The following SEC31B variants were observed in gnomAD, a reference collection of about 807,000 sequenced individuals.
SEC31B encodes the protein SEC31 homolog B, COPII component, also known as protein transport protein Sec31B.
In SEC31B, 113 loss-of-function variants were observed where a neutral mutation model predicts 135.0. That is an observed-to-expected ratio of 0.84 (90% CI 0.72 to 0.98). The LOEUF (loss-of-function observed/expected upper bound fraction) is 0.98. SEC31B is among the 50% of genes least tolerant of loss of function. The pLI, the probability that SEC31B is intolerant of heterozygous loss-of-function variation, is 0.00. For synonymous variants in SEC31B, 508 were observed against 549.4 expected (o/e 0.92, Z 1.05); for missense variants, 1,296 against 1,421.1 (o/e 0.91, Z 1.42).
intron 5 of SEC31B, chr10:100,508,786 G>A (rs558651958): frequency 3.5e-6 from 2 of 575,984 alleles, no homozygotes; most frequent in South Asian, 2.1e-5. Context: ...GAAACTCTTA[G>A]AACGAGTAAT....
At chr10:100,511,478 AG>A (rs1462281517) in intron 3 of SEC31B, among the ~76,000 whole-genome samples, 1 of 152,202 alleles carries the variant, frequency 6.6e-6, no homozygotes, top group Non-Finnish European at 1.5e-5. Context: ...AAAAACAAAA[AG>A]GGTGGTCTAG....
chr10:100,514,166 CAG>C (rs1851784687), intron 3 of SEC31B, among the ~76,000 whole-genome samples: 1 of 152,046 alleles, frequency 6.6e-6, no homozygotes, highest in Non-Finnish European at 1.5e-5. Context: ...GCCTGGGTGA[CAG>C]AGTGAGATTC....
chr10:100,499,234 C>G lies in SEC31B; in HGVS notation c.1510G>C (p.Val504Leu). The change falls in exon 13 of 26, where the codon GTG becomes CTG. Residue 504 changes from valine (V) to leucine (L), a missense_variant. By Grantham distance (32) the Val-to-Leu change is conservative. Transcript: ENST00000370345. Reference protein sequence around the residue: ...KKVATWLKSDVGLGESPQPKG... With the variant: ...KKVATWLKSDLGLGESPQPKG... ...GGCTGAGGACTCTCACCTAGCCCCA[C>G]GTCACTCTTCAACCATGTGGCCACC... is the stretch of plus-strand genomic sequence containing the variant. 6.2e-7 allele frequency: 1 copy of G among 1,613,246 alleles called. No individual in the cohort carries two copies. Among genetic ancestry groups the G allele is most frequent in the Non-Finnish European group, 8.5e-7 (1 of 1,179,638 alleles).
chr10:100,505,299 AACACACACACACACACACACAC>A, intron 10 of SEC31B, 40 bp downstream of exon 10: 1 of 1,486,882 alleles, frequency 6.7e-7, no homozygotes, highest in South Asian at 1.3e-5. Flanking sequence ...AGGCTTCACA[AACACACACACACACACACACAC>A]ACACAAACAC....
chr10:100,501,789 CT>C (rs1211512585), intron 11 of SEC31B: 1 of 170,802 alleles, frequency 5.9e-6, no homozygotes, highest in Non-Finnish European at 1.3e-5. Flanking sequence ...CACCTGAACC[CT>C]AGGACCCACT....
chr10:100,493,330 G>A (rs1190017213), intron 19 of SEC31B, among the ~76,000 whole-genome samples: 32 of 150,564 alleles, frequency 2.1e-4, no homozygotes, highest in African/African-American at 6.9e-4. Flanking sequence ...CCAAGATCGC[G>A]CCACTGCACT....
At chr10:100,498,278 C>T (rs1589733993) in intron 14 of SEC31B, 71 bp from the exon 15 acceptor site, 1 of 1,418,072 alleles carries the variant, frequency 7.1e-7, no homozygotes, top group Admixed American at 1.7e-5. Context: ...GCAGGGCCCA[C>T]AGCACACCCT....
At position 100,488,916 on chromosome 10, in the gene SEC31B, G is replaced by C. The variant is rs1383150571; in HGVS notation, c.3230C>G (p.Ser1077Cys). The C allele has an allele frequency of 6.2e-7, 1 of 1,611,758 alleles. No individual in the cohort carries two copies. The highest frequency in any genetic ancestry group is 1.3e-5 in the African/African-American group (1 of 74,782). The stretch of plus-strand genomic sequence containing the variant: ...AAGCGCCTCAAAGCTGCTCTTCAAG[G>C]ACTGATGCTCTGGGGGCAGCTCCTT... ...ERKELPPEHQ[S>C]LKSSFEALLQ... The change falls in exon 24 of 26, where the codon TCC becomes TGC. Residue 1077 changes from serine (S) to cysteine (C), a missense_variant. Coordinates refer to ENST00000370345, the MANE Select transcript of SEC31B (RefSeq NM_015490.4).
chr10:100,509,582 G>T, intron 3 of SEC31B, 71 bp from the exon 4 acceptor site: 1 of 1,273,094 alleles, frequency 7.9e-7, no homozygotes, highest in Non-Finnish European at 1.1e-6. Flanking sequence ...GGGCATCTCT[G>T]TCAGCTTCTG....
intron 10 of SEC31B, 141 bp from the exon 11 acceptor site, chr10:100,502,625 A>G: frequency 3.2e-6 from 2 of 624,660 alleles, no homozygotes; most frequent in Non-Finnish European, 5.5e-6. Context: ...GGGGGGTGGA[A>G]TAGGATCAGG....
At chr10:100,495,047 C>T (rs1237752517) in intron 19 of SEC31B, 4 of 317,698 alleles carry the variant, frequency 1.3e-5, no homozygotes, top group South Asian at 5.5e-5. Context: ...AGGATGGTCT[C>T]GAACTCCAAA....
Position 100,487,787 on chromosome 10 carries a change from A to T in SEC31B, c.3369T>A (p.Pro1123=). The change falls in exon 26 of 26, where the codon CCT becomes CCA. Residue 1123 remains proline (P), a synonymous_variant. Coordinates refer to ENST00000370345, the MANE Select transcript of SEC31B (RefSeq NM_015490.4). ...YEKLCEGTLS[P]HVVAGLHEVA... ...CCTCATGGAGCCCAGCCACGACATGAGGTGAGAGCTGTGGAGGGAATGACC... is the reference window on the plus strand; with the variant it reads ...CCTCATGGAGCCCAGCCACGACATGTGGTGAGAGCTGTGGAGGGAATGACC... 1 of 1,613,966 alleles carries T rather than the reference A, an allele frequency of 6.2e-7. No individual in the cohort carries two copies. Among genetic ancestry groups the T allele is most frequent in the South Asian group, 1.1e-5 (1 of 91,030 alleles).
intron 3 of SEC31B, among the ~76,000 whole-genome samples, chr10:100,513,741 A>AT (rs1043766022): frequency 6.6e-6 from 1 of 151,902 alleles, no homozygotes; most frequent in African/African-American, 2.4e-5. Context: ...AAGTGCTGGG[A>AT]TTACAAGCAT....
chr10:100,488,365 G>T lies in SEC31B; in HGVS notation c.3289-267C>A, dbSNP rs543836379. Among the ~76,000 whole-genome samples, 17 of 151,610 alleles carry T rather than the reference G, an allele frequency of 1.1e-4. No homozygotes were observed. In the South Asian group the frequency reaches 3.3e-3, roughly 30 times the overall value. On this transcript the variant is annotated intron_variant, in intron 24 of 25. Coordinates refer to ENST00000370345, the MANE Select transcript of SEC31B (RefSeq NM_015490.4). ...TCCCAGCTACTCGGGAGGCTGAGGC[G>T]GGAGAATGGCTTGAACCCGGGAGGC...
chr10:100,508,220 C>G (rs1347466027), intron 5 of SEC31B, among the ~76,000 whole-genome samples, 169 bp from the exon 6 acceptor site: 1 of 152,148 alleles, frequency 6.6e-6, no homozygotes, highest in East Asian at 1.9e-4. Context: ...AGGGAGGATC[C>G]TTTAGGGTAT....
intron 11 of SEC31B, among the ~76,000 whole-genome samples, chr10:100,502,038 C>T (rs2133685523): frequency 6.6e-6 from 1 of 152,376 alleles, no homozygotes; most frequent in East Asian, 1.9e-4. Flanking sequence ...TATTCCCCAT[C>T]TTTCCTAGCC....
chr10:100,497,884 G>T, intron 15 of SEC31B, 91 bp from the exon 16 acceptor site: 1 of 1,602,736 alleles, frequency 6.2e-7, no homozygotes, highest in East Asian at 2.2e-5. Context: ...AGAGCACTGA[G>T]TAGGGGCAAG....
chr10:100,515,886 C>G (rs1851829117), intron 3 of SEC31B, among the ~76,000 whole-genome samples: 1 of 151,666 alleles, frequency 6.6e-6, no homozygotes, highest in Admixed American at 6.6e-5. Flanking sequence ...TGCATTCAGC[C>G]TGACACTGCT....
At chr10:100,508,786 G>C (rs558651958) in intron 5 of SEC31B, 1 of 576,102 alleles carries the variant, frequency 1.7e-6, no homozygotes. Context: ...GAAACTCTTA[G>C]AACGAGTAAT....
Sources: gnomAD v4.1 joint callset for allele counts (sites outside exome capture counted in the v4.1 genomes callset) on GRCh38, gnomAD v4.1.1 for gene constraint, MANE v1.5 for transcripts, NCBI Gene and HGNC (gene_info 2026-07-23, HGNC 2026-07-21) for gene names.